PITPNM2: variants seen among roughly 807,000 people sequenced by gnomAD.
PITPNM2 encodes the protein phosphatidylinositol transfer protein membrane associated 2.
In PITPNM2, 35 loss-of-function variants were observed where a neutral mutation model predicts 132.2. The ratio of observed to expected loss-of-function variants is 0.26; its 90% CI spans 0.20 to 0.35. The LOEUF (loss-of-function observed/expected upper bound fraction) is 0.35. Among genes scored for constraint, PITPNM2 ranks in the 10% least tolerant of loss-of-function variants. PITPNM2 has a pLI of 1.00. For synonymous variants in PITPNM2, 738 were observed against 799.2 expected, an observed-to-expected ratio of 0.92 and a Z score of 1.29; for missense variants, 1,332 against 1,912.0, an observed-to-expected ratio of 0.70 and a Z score of 5.66.
chr12:123,139,998 C>CA (rs1179603278), intron 1 of PITPNM2, among the ~76,000 whole-genome samples: 1 of 152,196 alleles, frequency 6.6e-6, no homozygotes, highest in Non-Finnish European at 1.5e-5. Context: ...AGGGATAACT[C>CA]AGTGTCCCCT....
At chr12:123,032,393 C>T (rs1201701419) in intron 3 of PITPNM2, among the ~76,000 whole-genome samples, 1 of 152,182 alleles carries the variant, frequency 6.6e-6, no homozygotes, top group Non-Finnish European at 1.5e-5. Flanking sequence ...ATGAGAATCG[C>T]TTGAACCCAG....
rs529150215 is a variant in PITPNM2 at position 123,099,366 on chromosome 12, A to G, written c.-96+11019T>C. Among the ~76,000 whole-genome samples, 20 of 152,338 alleles carry G rather than the reference A, an allele frequency of 1.3e-4. No homozygotes were observed. In the South Asian group the frequency reaches 3.3e-3, roughly 25 times the overall value. ...ATGTTCCTCGGAGAACACCCAGCAC[A>G]GCAAGATTGGGAAGCTACTGTTCTG... On this transcript the variant is annotated intron_variant, in intron 2 of 25. Transcript: ENST00000320201. This position sits in a 1 kb window ranked among gnomAD's most constrained non-coding sequence, Gnocchi z 4.2.
In PITPNM2 at chr12:123,000,480, T is replaced by G; in HGVS notation, c.1224+298A>C. The G allele has an allele frequency of 2.8e-6, 2 of 702,490 alleles. No homozygotes were observed. The highest frequency in any genetic ancestry group is 2.6e-6 in the Non-Finnish European group (1 of 384,766). The allele number at this position is 702,490 out of a possible 1,614,324, so 43.5% of individuals were successfully genotyped here. A position where few individuals can be genotyped will look rare whatever the true frequency, so the allele number is the denominator to read the frequency against. ...CAAGGTGAAGATCTTATTTTTGATC[T>G]GGAATTTACAAGTTTCTCATTTTAC... is the stretch of plus-strand genomic sequence containing the variant. On this transcript the variant is annotated intron_variant, in intron 10 of 25. Coordinates refer to ENST00000320201, the MANE Select transcript of PITPNM2 (RefSeq NM_020845.3). The surrounding 1 kb of genome is among the most constrained non-coding windows in gnomAD (Gnocchi z 5.4).
At chr12:123,021,534 C>T (rs1047007423) in intron 3 of PITPNM2, 6 of 594,542 alleles carry the variant, frequency 1.0e-5, no homozygotes, top group Non-Finnish European at 8.5e-6. Context: ...CTTGGTCTCT[C>T]AAAATGCTGG....
chr12:123,033,145 A>C, intron 3 of PITPNM2, among the ~76,000 whole-genome samples: 1 of 152,262 alleles, frequency 6.6e-6, no homozygotes, highest in Non-Finnish European at 1.5e-5. Flanking sequence ...GGGGTTGTAC[A>C]GCAAGAAGCT....
At chr12:123,114,085 T>C (rs1485126411) in intron 1 of PITPNM2, among the ~76,000 whole-genome samples, 2 of 152,234 alleles carry the variant, frequency 1.3e-5, no homozygotes, top group Non-Finnish European at 2.9e-5. Flanking sequence ...TGTTTATCCA[T>C]TCATCCATCG....
Position 122,992,715 on chromosome 12 carries a change from A to T in PITPNM2, c.2234-46T>A. On this transcript the variant is annotated intron_variant, in intron 15 of 25. Coordinates refer to ENST00000320201, the MANE Select transcript of PITPNM2 (RefSeq NM_020845.3). This position sits in a 1 kb window ranked among gnomAD's most constrained non-coding sequence, Gnocchi z 6.5. ...TGCAGAGCTGGGGCTGGCCCTGAGG[A>T]GCAGTGGTGGGGGTGGGAAATTTGG... 4 of 1,418,170 alleles carry T rather than the reference A, an allele frequency of 2.8e-6. No homozygotes were observed. The highest frequency in any genetic ancestry group is 3.8e-6 in the Non-Finnish European group (4 of 1,052,076). The allele number at this position is 1,418,170 out of a possible 1,614,324, so 87.8% of individuals were successfully genotyped here.
Position 122,990,609 on chromosome 12 carries a change from C to A in PITPNM2, c.2505G>T (p.Glu835Asp). The change falls in exon 17 of 26, where the codon GAG (glutamate) becomes GAT (aspartate). Residue 835 changes from glutamate to aspartate, a missense_variant. Glu to Asp is a conservative substitution (Grantham distance 45, BLOSUM62 2). This residue lies in a region of PITPNM2 where 710 missense variants were observed against 911.5 expected (regional missense o/e 0.78). Coordinates refer to ENST00000320201, the MANE Select transcript of PITPNM2 (RefSeq NM_020845.3). ...PASRGFRRAS[E>D]ISIASQVSGM... ...CTGACACCTGGCTGGCGATGCTGAT[C>A]TCACTGGCTCGGCGGAAGCCACGAC... 3.7e-6 allele frequency: 6 copies of A among 1,612,516 alleles called. No homozygotes were observed.
chr12:123,104,603 C>T (rs923036404), intron 2 of PITPNM2, among the ~76,000 whole-genome samples: 11 of 152,130 alleles, frequency 7.2e-5, no homozygotes, highest in Admixed American at 6.5e-4. Context: ...CTTGCGACCC[C>T]CACTCCTGCC....
intron 2 of PITPNM2, among the ~76,000 whole-genome samples, chr12:123,071,946 G>T (rs980408828): frequency 6.6e-6 from 1 of 152,232 alleles, no homozygotes; most frequent in Non-Finnish European, 1.5e-5. Flanking sequence ...TAGAGTCCTG[G>T]AAAGGGGACT....
chr12:123,048,620 G>T (rs2040749606), intron 2 of PITPNM2, among the ~76,000 whole-genome samples: 1 of 151,710 alleles, frequency 6.6e-6, no homozygotes, highest in Admixed American at 6.6e-5. Context: ...CACCTTGTTA[G>T]CCAGGATGGT....
At chr12:123,096,643 A>G (rs926048656) in intron 2 of PITPNM2, among the ~76,000 whole-genome samples, 2 of 152,220 alleles carry the variant, frequency 1.3e-5, no homozygotes, top group African/African-American at 4.8e-5. Context: ...GCCCGGGGGC[A>G]TCTGGAATCC....
chr12:123,065,945 G>T (rs951271062), intron 2 of PITPNM2, among the ~76,000 whole-genome samples: 1 of 152,210 alleles, frequency 6.6e-6, no homozygotes, highest in Non-Finnish European at 1.5e-5. Context: ...GAGCAAGATT[G>T]TCTTTCATTA....
chr12:123,075,923 G>C (rs543196308), intron 2 of PITPNM2: 1 of 152,356 alleles, frequency 6.6e-6, no homozygotes, highest in African/African-American at 2.4e-5. Context: ...GCATTGCCCT[G>C]AGCTCACACG....
In PITPNM2 at chr12:122,997,432, C is replaced by T; in HGVS notation, c.1365G>A (p.Val455=). ...KKGDANTIAN[V]FDTVMRVHYP... The stretch of plus-strand genomic sequence containing the variant: ...AGTGCACGCGCATGACGGTGTCGAA[C>T]ACGTTGGCGATGGTGTTAGCATCGC... Residue 455 remains valine (V), a synonymous_variant, in exon 11 of 26, where the codon GTG becomes GTA. Transcript: ENST00000320201. The T allele has an allele frequency of 1.2e-6, 2 of 1,613,596 alleles. No individual in the cohort carries two copies. The highest frequency in any genetic ancestry group is 1.7e-4 in the Middle Eastern group (1 of 6,060).
chr12:123,030,641 T>C (rs557247575), intron 3 of PITPNM2, among the ~76,000 whole-genome samples: 1 of 149,582 alleles, frequency 6.7e-6, no homozygotes, highest in South Asian at 2.1e-4. Context: ...TGCAGTGAGC[T>C]GAGATGACGC....
At chr12:123,088,514 T>C (rs2042173743) in intron 2 of PITPNM2, 3 of 152,080 alleles carry the variant, frequency 2.0e-5, no homozygotes, top group Non-Finnish European at 4.4e-5. Flanking sequence ...GGGTGGAAGG[T>C]AGCGACTGGA....
chr12:123,025,005 G>A (rs142572436), intron 3 of PITPNM2, among the ~76,000 whole-genome samples: 2 of 152,280 alleles, frequency 1.3e-5, no homozygotes, highest in South Asian at 2.1e-4. Context: ...AAGGGGCCTC[G>A]CTGGCACTGT....
rs938379234 is a variant in PITPNM2, at chr12:122,986,234, G to A, written c.3843C>T (p.Pro1281=). The change falls in exon 26 of 26, where the codon CCC becomes CCT. Residue 1281 remains proline (P), a synonymous_variant. Transcript: ENST00000320201. ...GGGAGCGCAGAAAGTCGCCCTGGCC[G>A]GGCAGGCCGAAGCTGCCCTTGCGCA... is the stretch of plus-strand genomic sequence containing the variant. ...MALRKGSFGL[P]GQGDFLRSRN... The A allele has an allele frequency of 2.2e-5, 34 of 1,572,716 alleles. No individual in the cohort carries two copies. Among genetic ancestry groups the A allele is most frequent in the African/African-American group, 2.7e-5 (2 of 74,412 alleles).
Sources: gnomAD v4.1 joint callset for allele counts (sites outside exome capture counted in the v4.1 genomes callset) on GRCh38, gnomAD v4.1.1 for gene constraint, gnomAD v4.1.1 regional missense constraint, Gnocchi (gnomAD v3.1) non-coding constraint, MANE v1.5 for transcripts, NCBI Gene and HGNC (gene_info 2026-07-23, HGNC 2026-07-21) for gene names.